The following CDH22 variants were observed in gnomAD, a reference collection of about 807,000 sequenced individuals.
CDH22 encodes cadherin 22, also known as cadherin-22.
CDH22 carries 30 observed loss-of-function variants against 58.4 expected under a neutral mutation model. That is an observed-to-expected ratio of 0.51 (90% CI 0.38 to 0.70). CDH22 has a LOEUF of 0.70. Among genes scored for constraint, CDH22 ranks in the 30% least tolerant of loss-of-function variants. CDH22 has a pLI of 0.00. For missense variants in CDH22, 1,014 were observed against 1,233.9 expected (o/e 0.82, Z 2.67); for synonymous variants, 513 against 558.2 (o/e 0.92, Z 1.14).
chr20:46,181,752 C>CTTCTTTCTTTCTTTCTTTCT (rs1191055789), intron 10 of CDH22, among the ~76,000 whole-genome samples: 351 of 26,206 alleles, frequency 0.013, 15 homozygotes, highest in South Asian at 0.03. Flanking sequence ...TCCTTCCTTC[C>CTTCTTTCTTTCTTTCTTTCT]TTCTTTCTTT....
chr20:46,186,981 A>C, intron 8 of CDH22, 34 bp from the exon 9 acceptor site: 1 of 1,536,716 alleles, frequency 6.5e-7, no homozygotes, highest in Non-Finnish European at 8.8e-7. Context: ...GGGGAGAGGC[A>C]TCAAGTGGGA....
chr20:46,300,299 C>T lies in CDH22; in HGVS notation c.-400+7956G>A, dbSNP rs1003621691. 2.6e-5 allele frequency among the ~76,000 whole-genome samples: 4 copies of T among 152,104 alleles called. No homozygotes were observed. The highest frequency in any genetic ancestry group is 7.2e-5 in the African/African-American group (3 of 41,404). On this transcript the variant is annotated intron_variant, in intron 1 of 11. Transcript: ENST00000537909. The surrounding 1 kb of genome is among the most constrained non-coding windows in gnomAD (Gnocchi z 4.4). ...TTCAGCCTCTGGTCCCTGTGGGCCCCGCTGTGAGGCCACAGTCCTATGTCT... is the reference window on the plus strand; with the variant it reads ...TTCAGCCTCTGGTCCCTGTGGGCCCTGCTGTGAGGCCACAGTCCTATGTCT...
chr20:46,295,822 G>T (rs899217595), intron 1 of CDH22, among the ~76,000 whole-genome samples: 2 of 152,202 alleles, frequency 1.3e-5, no homozygotes, highest in Non-Finnish European at 2.9e-5. Context: ...GAGTGCAGTG[G>T]CATGATCATA....
In CDH22 at chr20:46,200,176, G is replaced by T. The variant is rs180681389; in HGVS notation, c.1287-617C>A. Among the ~76,000 whole-genome samples the T allele has an allele frequency of 1.1e-4, 17 of 151,186 alleles. No homozygotes were observed. In the East Asian group the frequency reaches 2.0e-3, roughly 17 times the overall value. On this transcript the variant is annotated intron_variant, in intron 7 of 11. Coordinates refer to ENST00000537909, the MANE Select transcript of CDH22 (RefSeq NM_021248.3). ...TTTTCAGTAGAGACGGGGTTTCACC[G>T]TGTTAGCCAGGATGGTCTTGATCTC...
chr20:46,210,482 C>G lies in CDH22; in HGVS notation c.1111G>C (p.Asp371His), dbSNP rs1049770132. The change falls in exon 7 of 12, where the codon GAC becomes CAC. Residue 371 changes from aspartate (D) to histidine (H), a missense_variant. Asp to His is a moderately conservative substitution (Grantham distance 81). Transcript: ENST00000537909. The surrounding 1 kb of genome is among the most constrained non-coding windows in gnomAD (Gnocchi z 4.5). ...LNKFVDPRFA[D>H]LGTFRDQAIV... ...GCCTGGTCGCGGAACGTGCCCAGGT[C>G]GGCGAAGCGGGGGTCCACGAACTTG... is the stretch of plus-strand genomic sequence containing the variant. 2 of 1,431,910 alleles carry G rather than the reference C, an allele frequency of 1.4e-6. No individual in the cohort carries two copies. The highest frequency in any genetic ancestry group is 1.8e-6 in the Non-Finnish European group (2 of 1,089,876). 88.7% of individuals were successfully genotyped at this position (1,431,910 alleles called of 1,614,324 possible).
chr20:46,201,841 C>G (rs548357011), intron 7 of CDH22, among the ~76,000 whole-genome samples: 2 of 152,258 alleles, frequency 1.3e-5, no homozygotes, highest in South Asian at 2.1e-4. Flanking sequence ...TTCAGACCCA[C>G]GATTATAATT....
intron 5 of CDH22, among the ~76,000 whole-genome samples, chr20:46,214,805 T>C (rs796694369): frequency 2.0e-5 from 3 of 152,344 alleles, no homozygotes; most frequent in African/African-American, 7.2e-5. Context: ...GCTTATCCCA[T>C]TGTTAGAATT....
intron 7 of CDH22, among the ~76,000 whole-genome samples, chr20:46,202,446 T>C (rs931422086): frequency 6.6e-6 from 1 of 151,500 alleles, no homozygotes; most frequent in Admixed American, 6.6e-5. Flanking sequence ...CTCCGCCTCC[T>C]GGGTTCATGC....
intron 4 of CDH22, among the ~76,000 whole-genome samples, chr20:46,217,906 TTTTTTC>T (rs1298546725): frequency 6.6e-6 from 1 of 151,832 alleles, no homozygotes; most frequent in African/African-American, 2.4e-5. Context: ...TACATACACT[TTTTTTC>T]TTTTTCTTTT....
chr20:46,228,776 G>A (rs1227921215), intron 3 of CDH22, among the ~76,000 whole-genome samples: 1 of 152,252 alleles, frequency 6.6e-6, no homozygotes, highest in Non-Finnish European at 1.5e-5. Flanking sequence ...CCTGGGCTGG[G>A]CTGGGCTCCC....
chr20:46,271,424 G>A (rs2086488240), intron 1 of CDH22, among the ~76,000 whole-genome samples: 1 of 152,080 alleles, frequency 6.6e-6, no homozygotes, highest in Non-Finnish European at 1.5e-5. Flanking sequence ...ACGTGCTCAA[G>A]TAGATTCCAT....
rs1426033151 is a variant in CDH22, at chr20:46,174,355, G to T, written c.*151C>A. ...CCCCTAGAGGAGGAGGAATGGAAGA[G>T]TCCGCTCCTAGCAAGTCCCCCCTCC... is the stretch of plus-strand genomic sequence containing the variant. On this transcript the variant is annotated 3_prime_UTR_variant, in exon 12 of 12. Transcript: ENST00000537909. The surrounding 1 kb of genome is among the most constrained non-coding windows in gnomAD (Gnocchi z 4.4). 35 of 570,060 alleles carry T rather than the reference G, an allele frequency of 6.1e-5. No individual in the cohort carries two copies. Among genetic ancestry groups the T allele is most frequent in the Non-Finnish European group, 9.5e-5 (32 of 337,028 alleles). 35.3% of individuals were successfully genotyped at this position (570,060 alleles called of 1,614,324 possible). A position where few individuals can be genotyped will look rare whatever the true frequency, so the allele number is the denominator to read the frequency against.
rs1481065080 is a variant in CDH22 at position 46,243,387 on chromosome 20, C to T, written c.256-2130G>A. The stretch of plus-strand genomic sequence containing the variant: ...GTCTGCTGATTCTCAGCAGAAATTG[C>T]GGGGACTAAATGGAGGCGTCTGGTG... On this transcript the variant is annotated intron_variant, in intron 2 of 11. Coordinates refer to ENST00000537909, the MANE Select transcript of CDH22 (RefSeq NM_021248.3). Among the ~76,000 whole-genome samples the T allele has an allele frequency of 4.6e-5, 7 of 152,310 alleles. No homozygotes were observed. The East Asian group carries it at 7.7e-4, about 17-fold the overall frequency.
chr20:46,301,126 C>A (rs1159082700), intron 1 of CDH22, among the ~76,000 whole-genome samples: 1 of 151,928 alleles, frequency 6.6e-6, no homozygotes, highest in African/African-American at 2.4e-5. Flanking sequence ...AAATGGTAGC[C>A]AAGTGGTGGT....
chr20:46,216,612 C>G lies in CDH22; in HGVS notation c.838+214G>C, dbSNP rs1197578066. Among the ~76,000 whole-genome samples the G allele has an allele frequency of 6.6e-6, 1 of 151,968 alleles. No homozygotes were observed. The highest frequency in any genetic ancestry group is 2.4e-5 in the African/African-American group (1 of 41,348). ...TGTGTTACTTGGCTCTGTGGAGCAT[C>G]GGACAGCCCTGGGGTCTTCCTTGGT... On this transcript the variant is annotated intron_variant, in intron 5 of 11. Coordinates refer to ENST00000537909, the MANE Select transcript of CDH22 (RefSeq NM_021248.3). The surrounding 1 kb of genome is among the most constrained non-coding windows in gnomAD (Gnocchi z 5.3).
chr20:46,301,531 C>T (rs1457412416), intron 1 of CDH22, among the ~76,000 whole-genome samples: 1 of 151,612 alleles, frequency 6.6e-6, no homozygotes, highest in Non-Finnish European at 1.5e-5. Flanking sequence ...ATATATATGG[C>T]TGGGTGCGGT....
At chr20:46,246,738 G>A (rs1292090413) in intron 2 of CDH22, among the ~76,000 whole-genome samples, 2 of 152,160 alleles carry the variant, frequency 1.3e-5, no homozygotes, top group African/African-American at 4.8e-5. Context: ...GTTACCGTCG[G>A]GCGCCCGGGG....
intron 11 of CDH22, among the ~76,000 whole-genome samples, chr20:46,176,754 G>A (rs1243503833): frequency 1.3e-5 from 2 of 152,268 alleles, no homozygotes; most frequent in Admixed American, 1.3e-4. Context: ...GGTGTCAGGA[G>A]AGAAGTGGGA....
At chr20:46,290,503 C>T (rs142833644) in intron 1 of CDH22, among the ~76,000 whole-genome samples, 1 of 152,218 alleles carries the variant, frequency 6.6e-6, no homozygotes, top group African/African-American at 2.4e-5. Context: ...TTTATTCATT[C>T]TCTGAAGGGT....
Sources: gnomAD v4.1 joint callset for allele counts (sites outside exome capture counted in the v4.1 genomes callset) on GRCh38, gnomAD v4.1.1 for gene constraint, Gnocchi (gnomAD v3.1) non-coding constraint, MANE v1.5 for transcripts, NCBI Gene and HGNC (gene_info 2026-07-23, HGNC 2026-07-21) for gene names.